LRRIQ3: variants seen among roughly 807,000 people sequenced by gnomAD.
LRRIQ3 encodes the protein leucine rich repeats and IQ motif containing 3.
Under a neutral mutation model 59.3 loss-of-function variants are expected in LRRIQ3, and 75 were observed. That is an observed-to-expected ratio of 1.26 (90% confidence interval 1.05 to 1.53). The LOEUF (loss-of-function observed/expected upper bound fraction) is 1.53, where lower values mean the gene tolerates loss of function less well. Among genes scored for constraint, LRRIQ3 ranks in the 40% most tolerant of loss-of-function variants. LRRIQ3 has a pLI of 0.00. For missense variants in LRRIQ3, 831 were observed against 710.0 expected (o/e 1.17, Z -1.94); for synonymous variants, 250 against 231.3 (o/e 1.08, Z -0.73).
At chr1:74,195,098 G>C (rs1651020076) in intron 1 of LRRIQ3, among the ~76,000 whole-genome samples, 1 of 152,102 alleles carries the variant, frequency 6.6e-6, no homozygotes, top group Non-Finnish European at 1.5e-5. Flanking sequence ...AGGGGTGTGA[G>C]GGTTCCTCCA....
At chr1:74,114,268 G>A (rs976863855) in intron 4 of LRRIQ3, among the ~76,000 whole-genome samples, 5 of 151,886 alleles carry the variant, frequency 3.3e-5, no homozygotes, top group Admixed American at 6.6e-5. Context: ...GTTTTATAAT[G>A]TAACAATTAT....
intron 3 of LRRIQ3, among the ~76,000 whole-genome samples, chr1:74,170,832 T>C (rs1008710381): frequency 1.3e-5 from 2 of 152,144 alleles, no homozygotes; most frequent in East Asian, 3.8e-4. Context: ...CTTATTTATG[T>C]CTACTTTAGT....
At chr1:74,154,580 T>C (rs1648206967) in intron 4 of LRRIQ3, among the ~76,000 whole-genome samples, 2 of 152,208 alleles carry the variant, frequency 1.3e-5, no homozygotes. Flanking sequence ...TTATCTCATG[T>C]TACATGAGCG....
intron 3 of LRRIQ3, among the ~76,000 whole-genome samples, chr1:74,156,621 G>A (rs1376419633): frequency 1.3e-5 from 2 of 152,040 alleles, no homozygotes; most frequent in Non-Finnish European, 2.9e-5. Flanking sequence ...CAATGAAACT[G>A]CAAATACTCT....
At chr1:74,037,028 G>A (rs1359425213) in intron 7 of LRRIQ3, among the ~76,000 whole-genome samples, 1 of 152,046 alleles carries the variant, frequency 6.6e-6, no homozygotes, top group African/African-American at 2.4e-5. Flanking sequence ...AATGACTTAA[G>A]TACAAATATG....
At chr1:74,042,602 G>A (rs1176135490) in intron 6 of LRRIQ3, among the ~76,000 whole-genome samples, 1 of 152,064 alleles carries the variant, frequency 6.6e-6, no homozygotes, top group African/African-American at 2.4e-5. Context: ...TCAAGGAACA[G>A]AGGCAGCCTT....
intron 6 of LRRIQ3, among the ~76,000 whole-genome samples, chr1:74,063,641 C>T (rs139843112): frequency 0.013 from 2,009 of 151,880 alleles, 17 homozygotes; most frequent in Middle Eastern, 0.031. Flanking sequence ...TTGTGACATG[C>T]CTCTCTTTAT....
chr1:74,092,822 C>T lies in LRRIQ3; in HGVS notation c.867+16572G>A, dbSNP rs145687536. On this transcript the variant is annotated intron_variant, in intron 5 of 7. Coordinates refer to ENST00000354431, the MANE Select transcript of LRRIQ3 (RefSeq NM_001105659.2). ...CTCGTTCCTCAAATTGAAGCGGTTACAATAGGGGACTTCAAAGTAGAAATA... is the reference window on the plus strand; with the variant it reads ...CTCGTTCCTCAAATTGAAGCGGTTATAATAGGGGACTTCAAAGTAGAAATA... Among the ~76,000 whole-genome samples, 123 of 152,056 alleles carry T rather than the reference C, an allele frequency of 8.1e-4. 1 individual carries two copies. In the East Asian group the frequency reaches 0.015, roughly 19 times the overall value.
chr1:74,070,224 A>G (rs1011477222), intron 6 of LRRIQ3, among the ~76,000 whole-genome samples: 3 of 152,250 alleles, frequency 2.0e-5, no homozygotes, highest in Admixed American at 1.3e-4. Context: ...CATGTAATCA[A>G]CCTAGATGAC....
At chr1:74,161,120 T>C (rs373318641) in intron 3 of LRRIQ3, among the ~76,000 whole-genome samples, 38 of 152,120 alleles carry the variant, frequency 2.5e-4, no homozygotes, top group African/African-American at 8.2e-4. Flanking sequence ...GCCCATTTCC[T>C]GGTCCATAAA....
intron 5 of LRRIQ3, chr1:74,108,821 G>T: frequency 3.1e-6 from 1 of 323,600 alleles, no homozygotes; most frequent in Non-Finnish European, 6.0e-6. Context: ...TGTAGCTTTT[G>T]GTAAGTTAAT....
chr1:74,127,339 C>T (rs1646951242), intron 4 of LRRIQ3, among the ~76,000 whole-genome samples: 1 of 151,916 alleles, frequency 6.6e-6, no homozygotes, highest in African/African-American at 2.4e-5. Context: ...AGTCTATTTA[C>T]ATTCAATGTT....
At chr1:74,180,680 T>C (rs1649922507) in intron 3 of LRRIQ3, 1 of 1,539,646 alleles carries the variant, frequency 6.5e-7, no homozygotes, top group African/African-American at 1.4e-5. Flanking sequence ...TGTGATGCAA[T>C]GTTGACTGCA....
intron 4 of LRRIQ3, among the ~76,000 whole-genome samples, chr1:74,153,837 A>T (rs1648136225): frequency 6.6e-6 from 1 of 152,194 alleles, no homozygotes; most frequent in Non-Finnish European, 1.5e-5. Flanking sequence ...TTAAATTTGT[A>T]TTTTTGAAAG....
At chr1:74,112,014 C>T (rs1187194384) in intron 4 of LRRIQ3, among the ~76,000 whole-genome samples, 12 of 152,058 alleles carry the variant, frequency 7.9e-5, no homozygotes, top group Admixed American at 7.9e-4. Context: ...CAAGGTGCAA[C>T]GGGGAGAGAA....
chr1:74,100,816 C>T (rs1280483747), intron 5 of LRRIQ3, among the ~76,000 whole-genome samples: 1 of 151,804 alleles, frequency 6.6e-6, no homozygotes, highest in Non-Finnish European at 1.5e-5. Flanking sequence ...GGAAAGGATT[C>T]CCTATTTAAT....
intron 3 of LRRIQ3, 34 bp from the exon 4 acceptor site, chr1:74,155,900 C>T (rs1433558093): frequency 3.5e-6 from 4 of 1,126,814 alleles, no homozygotes; most frequent in Non-Finnish European, 4.8e-6. Flanking sequence ...TAATTTTTAT[C>T]TTTCATGAAA....
chr1:74,159,487 T>G (rs764286596), intron 3 of LRRIQ3, among the ~76,000 whole-genome samples: 1 of 152,152 alleles, frequency 6.6e-6, no homozygotes, highest in Non-Finnish European at 1.5e-5. Flanking sequence ...TTCTTGTAAC[T>G]CAATTATTTT....
chr1:74,169,374 C>G (rs111310391), intron 3 of LRRIQ3, among the ~76,000 whole-genome samples: 9 of 152,198 alleles, frequency 5.9e-5, no homozygotes, highest in African/African-American at 2.2e-4. Context: ...ATGTTACAAT[C>G]AACATGGAAT....
Sources: allele counts gnomAD v4.1 joint callset (sites outside exome capture counted in the v4.1 genomes callset), GRCh38; gene constraint gnomAD v4.1.1; transcripts MANE v1.5; gene names NCBI Gene and HGNC (gene_info 2026-07-23, HGNC 2026-07-21).